CHD1: variants seen among roughly 807,000 people sequenced by gnomAD.
CHD1 encodes ATP-dependent chromatin remodeler CHD1.
In CHD1, 36 loss-of-function variants were observed where a neutral mutation model predicts 224.2. That is an observed-to-expected ratio of 0.16 (90% confidence interval 0.12 to 0.21). The LOEUF is 0.21. CHD1 is among the 10% of genes least tolerant of loss of function. The pLI is 1.00. For missense variants in CHD1, 1,378 were observed against 1,994.8 expected (o/e 0.69, Z 5.89); for synonymous variants, 668 against 658.3 (o/e 1.01, Z -0.23).
intron 24 of CHD1, among the ~76,000 whole-genome samples, 159 bp downstream of exon 24, chr5:98,876,239 T>C (rs992512830): frequency 2.6e-5 from 4 of 152,210 alleles, no homozygotes; most frequent in Admixed American, 2.6e-4. Context: ...TGTTCAGTTA[T>C]AACAAATACC....
At position 98,881,252 on chromosome 5, in the gene CHD1, CTTTTTTTTT is replaced by C. The variant is rs11295695; in HGVS notation, c.2964+18_2964+26del. 121 of 675,174 alleles carry C rather than the reference CTTTTTTTTT, an allele frequency of 1.8e-4. No individual in the cohort carries two copies. Among genetic ancestry groups the C allele is most frequent in the African/African-American group, 1.3e-3 (55 of 41,348 alleles). The allele number at this position is 675,174 out of a possible 1,614,324, so 41.8% of individuals were successfully genotyped here. On this transcript the variant is annotated intron_variant, in intron 21 of 35. Coordinates refer to ENST00000614616, the MANE Select transcript of CHD1 (RefSeq NM_001270.4). The stretch of plus-strand genomic sequence containing the variant: ...ATATGACACATATTCTGAGGCAGGC[CTTTTTTTTT>C]TTTTTTTTTTTTTTTACCTGGGGCT...
chr5:98,915,507 T>C (rs1752677602), intron 2 of CHD1, among the ~76,000 whole-genome samples: 2 of 152,228 alleles, frequency 1.3e-5, no homozygotes, highest in South Asian at 4.1e-4. Context: ...AAGCAGAGAA[T>C]GAGCAGATGA....
At chr5:98,892,790 G>T in intron 14 of CHD1, 77 bp from the exon 15 acceptor site, 1 of 855,366 alleles carries the variant, frequency 1.2e-6, no homozygotes, top group South Asian at 3.1e-5. Flanking sequence ...TTTTTTTTTA[G>T]GGGAGTCATT....
chr5:98,863,679 ATAT>A (rs1438699519), intron 31 of CHD1, 93 bp from the exon 32 acceptor site: 2 of 794,632 alleles, frequency 2.5e-6, no homozygotes, highest in Non-Finnish European at 3.9e-6. Context: ...CATGAGTATA[ATAT>A]TATAACACTG....
At chr5:98,919,248 A>G (rs1752939624) in intron 2 of CHD1, among the ~76,000 whole-genome samples, 1 of 152,206 alleles carries the variant, frequency 6.6e-6, no homozygotes, top group Admixed American at 6.5e-5. Context: ...GATTCTATGC[A>G]CTTGTCAAAA....
chr5:98,881,022 A>C, intron 22 of CHD1, 54 bp downstream of exon 22: 1 of 968,318 alleles, frequency 1.0e-6, no homozygotes, highest in Non-Finnish European at 1.6e-6. Context: ...TAAATGACAT[A>C]ACTCAATTCC....
Position 98,894,715 on chromosome 5 carries a change from A to G in CHD1, c.1711-29T>C, listed in dbSNP as rs1450044763. The G allele has an allele frequency of 4.9e-6, 5 of 1,018,220 alleles. No homozygotes were observed. In the African/African-American group the frequency reaches 8.2e-5, roughly 17 times the overall value. The allele number at this position is 1,018,220 out of a possible 1,614,324, so 63.1% of individuals were successfully genotyped here. A position where few individuals can be genotyped will look rare whatever the true frequency, so the allele number is the denominator to read the frequency against. ...TTAAGAAATTTGAAGGACAATTTTTAAGACAAACATCAAGCAAATTATACT... is the reference window on the plus strand; with the variant it reads ...TTAAGAAATTTGAAGGACAATTTTTGAGACAAACATCAAGCAAATTATACT... On this transcript the variant is annotated intron_variant, in intron 12 of 35. Coordinates refer to ENST00000614616, the MANE Select transcript of CHD1 (RefSeq NM_001270.4).
intron 25 of CHD1, among the ~76,000 whole-genome samples, chr5:98,874,666 C>T (rs1459996076): frequency 3.3e-5 from 5 of 149,282 alleles, no homozygotes; most frequent in African/African-American, 1.2e-4. Context: ...GAGCCAAGAT[C>T]GCGCCACTGC....
intron 27 of CHD1, 50 bp downstream of exon 27, chr5:98,872,367 G>T (rs1202226566): frequency 1.9e-6 from 3 of 1,539,508 alleles, no homozygotes; most frequent in African/African-American, 2.8e-5. Context: ...CATTCATTTT[G>T]CAATTATTGA....
chr5:98,925,379 G>T (rs1235342903), intron 2 of CHD1, among the ~76,000 whole-genome samples: 2 of 152,024 alleles, frequency 1.3e-5, no homozygotes, highest in East Asian at 3.8e-4. Context: ...TTACAAACAG[G>T]ATCCAACAAG....
Position 98,898,279 on chromosome 5 carries a change from T to A in CHD1, c.1342A>T (p.Thr448Ser), listed in dbSNP as rs1324997089. The change falls in exon 10 of 36, where the codon ACC (threonine) becomes TCC (serine). Residue 448 changes from threonine (T) to serine (S), a missense_variant. This residue lies in a region of CHD1 where 86 missense variants were observed against 97.7 expected (regional missense o/e 0.88). Transcript: ENST00000614616. ...DEYFSRNQSK[T>S]TPFKDCKVLK... is the part of the protein sequence containing the mutation. ...ACTTTGCAATCTTTAAAAGGAGTGG[T>A]TTTTGATTGGTTCCTGCTAAAATAC... is the stretch of plus-strand genomic sequence containing the variant. 1 of 1,539,182 alleles carries A rather than the reference T, an allele frequency of 6.5e-7. No individual in the cohort carries two copies. The highest frequency in any genetic ancestry group is 2.0e-5 in the Admixed American group (1 of 50,058).
intron 22 of CHD1, among the ~76,000 whole-genome samples, chr5:98,880,210 T>C (rs1003256196): frequency 1.3e-5 from 2 of 152,210 alleles, no homozygotes; most frequent in Admixed American, 6.5e-5. Context: ...TAAGGTACTA[T>C]GCAAGGTCTG....
rs542025283 is a variant in CHD1, at chr5:98,857,297, TGA to T, written c.4788-574_4788-573del. Among the ~76,000 whole-genome samples, 1,037 of 152,234 alleles carry T rather than the reference TGA, an allele frequency of 6.8e-3. 9 individuals carry two copies. Among genetic ancestry groups the T allele is most frequent in the African/African-American group, 0.024 (993 of 41,562 alleles). ...ATAAAAAATAAATGTGGCAGTTTAA[TGA>T]GAATTATTCTCTAAAATGAGTGCCT... On this transcript the variant is annotated intron_variant, in intron 35 of 35. Transcript: ENST00000614616.
At position 98,863,427 on chromosome 5, in the gene CHD1, G is replaced by C. The variant is rs1391314630; in HGVS notation, c.4408C>G (p.Gln1470Glu). The C allele has an allele frequency of 6.4e-7, 1 of 1,555,172 alleles. No homozygotes were observed. Among genetic ancestry groups the C allele is most frequent in the Non-Finnish European group, 8.7e-7 (1 of 1,151,398 alleles). ...ECLKEYTNPE[Q>E]IKQWRKNLWI... ...ACTTACTTTCTCCATTGCTTAATTT[G>C]TTCAGGATTTGTATACTCTTTTAGA... Residue 1470 changes from glutamine to glutamate, a missense_variant, in exon 32 of 36, where the codon CAA becomes GAA. Coordinates refer to ENST00000614616, the MANE Select transcript of CHD1 (RefSeq NM_001270.4).
intron 15 of CHD1, among the ~76,000 whole-genome samples, chr5:98,891,573 G>A (rs1374707711): frequency 6.6e-6 from 1 of 152,168 alleles, no homozygotes; most frequent in African/African-American, 2.4e-5. Flanking sequence ...CACTTTGGAA[G>A]GCTGAGGCGT....
chr5:98,854,009 T>C lies in CHD1; in HGVS notation c.*2371A>G, dbSNP rs889416588. The C allele has an allele frequency of 3.3e-5, 5 of 152,044 alleles. No homozygotes were observed. The highest frequency in any genetic ancestry group is 1.2e-4 in the African/African-American group (5 of 41,446). 9.4% of individuals were successfully genotyped at this position (152,044 alleles called of 1,614,324 possible). ...CTTTTAGTAAGAATTATTTATTGTA[T>C]AAAAGTGGAAGGTTAATTGGTACAG... On this transcript the variant is annotated 3_prime_UTR_variant, in exon 36 of 36. Coordinates refer to ENST00000614616, the MANE Select transcript of CHD1 (RefSeq NM_001270.4).
At chr5:98,860,182 A>G (rs1309938037) in intron 32 of CHD1, 114 bp from the exon 33 acceptor site, 17 of 690,756 alleles carry the variant, frequency 2.5e-5, no homozygotes, top group Non-Finnish European at 4.3e-5. Flanking sequence ...ACAGCCCTCT[A>G]TGGAACAAAC....
At chr5:98,904,010 G>A in intron 3 of CHD1, 102 bp from the exon 4 acceptor site, 1 of 673,714 alleles carries the variant, frequency 1.5e-6, no homozygotes, top group Non-Finnish European at 2.6e-6. Flanking sequence ...CTGCCTCAAA[G>A]TAATAAAGAC....
At chr5:98,923,229 G>C (rs162162) in intron 2 of CHD1, among the ~76,000 whole-genome samples, 1 of 151,866 alleles carries the variant, frequency 6.6e-6, no homozygotes, top group Non-Finnish European at 1.5e-5. Flanking sequence ...CAAAAAAGAA[G>C]GTCTCTCTCC....
Sources: gnomAD v4.1 joint callset for allele counts (sites outside exome capture counted in the v4.1 genomes callset) on GRCh38, gnomAD v4.1.1 for gene constraint, gnomAD v4.1.1 regional missense constraint, MANE v1.5 for transcripts, NCBI Gene and HGNC (gene_info 2026-07-23, HGNC 2026-07-21) for gene names.